SCAI: variants seen among roughly 807,000 people sequenced by gnomAD.
SCAI encodes the protein protein SCAI.
Under a neutral mutation model 92.2 loss-of-function variants are expected in SCAI, and 24 were observed. That is an observed-to-expected ratio of 0.26 (90% CI 0.19 to 0.37). The LOEUF (loss-of-function observed/expected upper bound fraction) is 0.37. Ranked by LOEUF, SCAI falls within the 10% of genes least tolerant of loss-of-function variation. The probability of loss-of-function intolerance (pLI) is 1.00; values close to 1 mark genes in which losing one functional copy is unlikely to be tolerated. For missense variants in SCAI, 450 were observed against 736.2 expected, an observed-to-expected ratio of 0.61 and a Z score of 4.50; for synonymous variants, 261 against 258.6, an observed-to-expected ratio of 1.01 and a Z score of -0.09.
At chr9:125,092,713 A>G (rs1454791762) in intron 2 of SCAI, among the ~76,000 whole-genome samples, 1 of 152,188 alleles carries the variant, frequency 6.6e-6, no homozygotes, top group Non-Finnish European at 1.5e-5. Context: ...TCTGTGCTGG[A>G]TAACTATCAT....
At chr9:125,080,998 C>A (rs537332309) in intron 2 of SCAI, among the ~76,000 whole-genome samples, 8 of 152,342 alleles carry the variant, frequency 5.3e-5, no homozygotes, top group African/African-American at 1.9e-4. Context: ...ATCTCTTTGC[C>A]TGCTGCCATC....
At chr9:124,975,408 A>G (rs1346870655) in intron 15 of SCAI, 3 of 453,726 alleles carry the variant, frequency 6.6e-6, no homozygotes, top group Non-Finnish European at 1.3e-5. Context: ...AGTTAGGGAG[A>G]TAGTGAAACA....
chr9:125,137,337 T>C (rs1285519848), intron 2 of SCAI, among the ~76,000 whole-genome samples: 6 of 152,222 alleles, frequency 3.9e-5, no homozygotes, highest in Admixed American at 3.9e-4. Context: ...TGCAACCTGA[T>C]GCTTACTTAA....
At chr9:125,106,310 G>T (rs1588226906) in intron 2 of SCAI, among the ~76,000 whole-genome samples, 1 of 146,078 alleles carries the variant, frequency 6.8e-6, no homozygotes, top group Non-Finnish European at 1.5e-5. Context: ...ATTTCCAATG[G>T]CCTAGTCATC....
chr9:124,973,029 T>C (rs1487527449), intron 15 of SCAI, among the ~76,000 whole-genome samples: 2 of 152,252 alleles, frequency 1.3e-5, no homozygotes, highest in African/African-American at 4.8e-5. Context: ...TTTGGGTTTT[T>C]TGGGATTTGC....
chr9:125,124,900 T>C (rs967763183), intron 2 of SCAI, among the ~76,000 whole-genome samples: 1 of 152,168 alleles, frequency 6.6e-6, no homozygotes, highest in African/African-American at 2.4e-5. Flanking sequence ...TTACGGCCCT[T>C]CCCTTAACAA....
At chr9:125,142,386 C>CA (rs1387434242) in intron 2 of SCAI, 7 of 350,262 alleles carry the variant, frequency 2.0e-5, no homozygotes, top group Non-Finnish European at 2.6e-5. Context: ...TACACAACAT[C>CA]AAAAAGTAAA....
At chr9:125,096,827 C>T (rs539413703) in intron 2 of SCAI, among the ~76,000 whole-genome samples, 26 of 152,254 alleles carry the variant, frequency 1.7e-4, no homozygotes, top group African/African-American at 6.3e-4. Context: ...TTCTCTTAAA[C>T]GAAAATGAAA....
chr9:125,075,185 G>A (rs528095003), intron 2 of SCAI, among the ~76,000 whole-genome samples: 11 of 152,142 alleles, frequency 7.2e-5, no homozygotes, highest in South Asian at 2.1e-4. Context: ...ACTCAAAGTC[G>A]CCTACTCCTA....
At chr9:125,132,961 T>A (rs1190394834) in intron 2 of SCAI, among the ~76,000 whole-genome samples, 4 of 151,780 alleles carry the variant, frequency 2.6e-5, no homozygotes, top group Non-Finnish European at 5.9e-5. Flanking sequence ...TGAGACTCCA[T>A]CTCACAAATA....
chr9:125,090,362 G>T (rs1834406593), intron 2 of SCAI, among the ~76,000 whole-genome samples: 1 of 151,914 alleles, frequency 6.6e-6, no homozygotes. Context: ...GGAGGAGGAA[G>T]AAAGAGTAAG....
At chr9:125,045,313 A>C (rs150554761) in intron 3 of SCAI, among the ~76,000 whole-genome samples, 1 of 152,084 alleles carries the variant, frequency 6.6e-6, no homozygotes, top group Non-Finnish European at 1.5e-5. Flanking sequence ...TGATCTGCCT[A>C]CCTCAGCCTC....
At chr9:125,103,763 T>C (rs1031370988) in intron 2 of SCAI, among the ~76,000 whole-genome samples, 29 of 152,350 alleles carry the variant, frequency 1.9e-4, no homozygotes, top group African/African-American at 6.5e-4. Flanking sequence ...TTCCTGAGTT[T>C]CACAAACTTA....
intron 2 of SCAI, among the ~76,000 whole-genome samples, chr9:125,102,636 C>T (rs1055911059): frequency 2.0e-5 from 3 of 151,576 alleles, no homozygotes; most frequent in South Asian, 2.1e-4. Context: ...GTCACTCTGT[C>T]GCCCAGGCTG....
At chr9:125,095,023 G>A (rs1177240453) in intron 2 of SCAI, among the ~76,000 whole-genome samples, 1 of 152,168 alleles carries the variant, frequency 6.6e-6, no homozygotes, top group Non-Finnish European at 1.5e-5. Flanking sequence ...CAGACAAACA[G>A]ATGTGTCACC....
chr9:124,958,151 T>C (rs1301883661), intron 17 of SCAI, among the ~76,000 whole-genome samples: 1 of 152,204 alleles, frequency 6.6e-6, no homozygotes, highest in East Asian at 1.9e-4. Flanking sequence ...TTCAATATTA[T>C]TAAAATAGTA....
At chr9:124,959,740 G>A (rs1326473684) in intron 17 of SCAI, among the ~76,000 whole-genome samples, 3 of 125,614 alleles carry the variant, frequency 2.4e-5, no homozygotes, top group Non-Finnish European at 3.1e-5. Context: ...CTGTGTCCAA[G>A]TGTTCTCATT....
chr9:125,099,531 C>T (rs1388144247), intron 2 of SCAI, among the ~76,000 whole-genome samples: 2 of 152,178 alleles, frequency 1.3e-5, no homozygotes, highest in East Asian at 3.8e-4. Flanking sequence ...ATGCACCCGC[C>T]TCAGCCTCCC....
chr9:124,963,378 C>T (rs934348999), intron 17 of SCAI, among the ~76,000 whole-genome samples: 1 of 151,840 alleles, frequency 6.6e-6, no homozygotes, highest in Non-Finnish European at 1.5e-5. Flanking sequence ...TCATGATCTG[C>T]CCACCTTGGC....
Sources: allele counts gnomAD v4.1 joint callset (sites outside exome capture counted in the v4.1 genomes callset), GRCh38; gene constraint gnomAD v4.1.1; transcripts MANE v1.5; gene names NCBI Gene and HGNC (gene_info 2026-07-23, HGNC 2026-07-21).